Variants in ADAMTSL1 observed in about 807,000 individuals in gnomAD.
ADAMTSL1 encodes the protein ADAMTS-like protein 1.
In ADAMTSL1, 126 loss-of-function variants were observed where a neutral mutation model predicts 201.8. The observed-to-expected ratio is 0.62, with a 90% CI of 0.54 to 0.72. The LOEUF is 0.72. Among genes scored for constraint, ADAMTSL1 ranks in the 30% least tolerant of loss-of-function variants. The pLI, the probability that ADAMTSL1 is intolerant of heterozygous loss-of-function variation, is 0.00. For synonymous variants in ADAMTSL1, 1,121 were observed against 903.4 expected, an observed-to-expected ratio of 1.24 and a Z score of -4.32; for missense variants, 2,679 against 2,277.8, an observed-to-expected ratio of 1.18 and a Z score of -3.59.
chr9:18,161,343 G>C (rs1472259149), intron 1 of ADAMTSL1, among the ~76,000 whole-genome samples: 1 of 151,946 alleles, frequency 6.6e-6, no homozygotes, highest in Non-Finnish European at 1.5e-5. Flanking sequence ...TTTTCACAAA[G>C]AAAATGCAAC....
At chr9:18,755,524 G>C (rs962640575) in intron 16 of ADAMTSL1, among the ~76,000 whole-genome samples, 3 of 152,134 alleles carry the variant, frequency 2.0e-5, no homozygotes, top group Non-Finnish European at 4.4e-5. Flanking sequence ...TTGAAATGCA[G>C]TGAAACATCA....
At chr9:18,235,147 C>T (rs768289561) in intron 2 of ADAMTSL1, among the ~76,000 whole-genome samples, 1 of 152,146 alleles carries the variant, frequency 6.6e-6, no homozygotes, top group African/African-American at 2.4e-5. Flanking sequence ...ATTTACACAT[C>T]ATGTCTCCCT....
intron 21 of ADAMTSL1, among the ~76,000 whole-genome samples, chr9:18,820,508 T>A (rs1026436285): frequency 2.0e-5 from 3 of 152,238 alleles, no homozygotes; most frequent in Non-Finnish European, 2.9e-5. Context: ...ATTTCCTTAA[T>A]GATTCCCTTT....
At chr9:18,820,205 TTTTTATGGAGTATTTAATCCAGGTTA>T (rs571612487) in intron 21 of ADAMTSL1, among the ~76,000 whole-genome samples, 177 of 152,348 alleles carry the variant, frequency 1.2e-3, no homozygotes, top group African/African-American at 4.0e-3. Context: ...ATTTAGCAGT[TTTTTATGGAGTATTTAATCCAGGTTA>T]GATCAAATTT....
intron 8 of ADAMTSL1, 43 bp downstream of exon 8, chr9:18,657,793 G>A (rs775124323): frequency 2.0e-6 from 3 of 1,485,952 alleles, no homozygotes; most frequent in Non-Finnish European, 1.9e-6. Context: ...GCTTCTGTGA[G>A]GAAATACTTG....
At chr9:17,993,416 C>T (rs1287172666) in intron 1 of ADAMTSL1, among the ~76,000 whole-genome samples, 1 of 152,052 alleles carries the variant, frequency 6.6e-6, no homozygotes, top group Non-Finnish European at 1.5e-5. Context: ...AAGTTCATGC[C>T]TTTCAGTTTG....
chr9:18,198,097 A>T (rs942754025), intron 2 of ADAMTSL1, among the ~76,000 whole-genome samples: 2 of 152,210 alleles, frequency 1.3e-5, no homozygotes, highest in African/African-American at 4.8e-5. Flanking sequence ...CACCTTATAC[A>T]AAAATCAATT....
intron 1 of ADAMTSL1, among the ~76,000 whole-genome samples, chr9:18,148,188 G>A (rs1019528422): frequency 1.3e-5 from 2 of 152,046 alleles, no homozygotes; most frequent in African/African-American, 2.4e-5. Flanking sequence ...AGTTTTGGTA[G>A]AGAAGGGAGT....
intron 23 of ADAMTSL1, among the ~76,000 whole-genome samples, chr9:18,876,786 A>T (rs1389570938): frequency 6.6e-6 from 1 of 152,060 alleles, no homozygotes; most frequent in African/African-American, 2.4e-5. Context: ...TTGTATTTGG[A>T]TGTCTAGATG....
At chr9:18,892,886 C>T (rs1829377324) in intron 26 of ADAMTSL1, among the ~76,000 whole-genome samples, 1 of 152,130 alleles carries the variant, frequency 6.6e-6, no homozygotes, top group Admixed American at 6.6e-5. Flanking sequence ...ATGTCCTCCA[C>T]TCCCACCCCC....
chr9:18,114,487 T>C (rs2131892976), intron 1 of ADAMTSL1, among the ~76,000 whole-genome samples: 1 of 151,940 alleles, frequency 6.6e-6, no homozygotes, highest in South Asian at 2.1e-4. Flanking sequence ...TGCTAAAAAA[T>C]AAGGAAGGAG....
intron 4 of ADAMTSL1, 116 bp from the exon 5 acceptor site, chr9:18,622,127 G>T: frequency 2.3e-6 from 3 of 1,331,734 alleles, no homozygotes; most frequent in Admixed American, 2.2e-5. Context: ...CCTTCACGGG[G>T]TATGTTTTAG....
intron 4 of ADAMTSL1, among the ~76,000 whole-genome samples, chr9:18,612,227 T>G (rs1825423385): frequency 6.6e-6 from 1 of 152,214 alleles, no homozygotes; most frequent in Admixed American, 6.6e-5. Flanking sequence ...CAAGTGGAAA[T>G]TAAACTCTCA....
intron 1 of ADAMTSL1, among the ~76,000 whole-genome samples, chr9:18,134,947 A>G (rs1826096585): frequency 6.6e-6 from 1 of 152,132 alleles, no homozygotes; most frequent in South Asian, 2.1e-4. Flanking sequence ...GTCATTAGAA[A>G]ATTGCACTGA....
chr9:18,066,695 C>G (rs949389100), intron 1 of ADAMTSL1, among the ~76,000 whole-genome samples: 2 of 152,068 alleles, frequency 1.3e-5, no homozygotes, highest in South Asian at 2.1e-4. Flanking sequence ...AGATCCTAAT[C>G]AAAATAGCAG....
chr9:18,474,006 G>T, upstream of ADAMTSL1: 1 of 492,678 alleles, frequency 2.0e-6, no homozygotes, highest in Non-Finnish European at 3.6e-6. Context: ...CAGCATGTCT[G>T]ATTAGCAGGA....
At chr9:18,387,635 T>C (rs546074887) in intron 2 of ADAMTSL1, among the ~76,000 whole-genome samples, 62 of 151,712 alleles carry the variant, frequency 4.1e-4, no homozygotes, top group Non-Finnish European at 8.1e-4. Flanking sequence ...TTCTAGTTTA[T>C]TTATTTTCAT....
At chr9:18,880,952 A>G (rs939027665) in intron 23 of ADAMTSL1, among the ~76,000 whole-genome samples, 1 of 152,204 alleles carries the variant, frequency 6.6e-6, no homozygotes, top group African/African-American at 2.4e-5. Flanking sequence ...ACTTTTATGT[A>G]AGAGAGACTG....
At chr9:18,903,188 A>T (rs1830107476) in intron 26 of ADAMTSL1, among the ~76,000 whole-genome samples, 1 of 152,214 alleles carries the variant, frequency 6.6e-6, no homozygotes, top group African/African-American at 2.4e-5. Context: ...ATTCTGTCTC[A>T]AAACAAAAAC....
Sources: gnomAD v4.1 joint callset for allele counts (sites outside exome capture counted in the v4.1 genomes callset) on GRCh38, gnomAD v4.1.1 for gene constraint, MANE v1.5 for transcripts, NCBI Gene and HGNC (gene_info 2026-07-23, HGNC 2026-07-21) for gene names.